The following TSGA10 variants were observed in gnomAD, a reference collection of about 807,000 sequenced individuals.
TSGA10 encodes the protein testis-specific gene 10 protein.
TSGA10 carries 43 observed loss-of-function variants against 96.6 expected under a neutral mutation model. The ratio of observed to expected loss-of-function variants is 0.44; its 90% CI spans 0.35 to 0.57. The LOEUF is 0.57. Ranked by LOEUF, TSGA10 falls within the 20% of genes least tolerant of loss-of-function variation. The pLI is 0.01. For missense variants in TSGA10, 703 were observed against 834.4 expected (o/e 0.84, Z 1.94); for synonymous variants, 229 against 269.9 (o/e 0.85, Z 1.48).
At chr2:99,059,208 C>A (rs2084371688) in intron 16 of TSGA10, among the ~76,000 whole-genome samples, 1 of 151,094 alleles carries the variant, frequency 6.6e-6, no homozygotes, top group South Asian at 2.1e-4. Context: ...CCATGACCTA[C>A]TATCCAGGAA....
chr2:99,005,874 G>A (rs1322504693), intron 20 of TSGA10, among the ~76,000 whole-genome samples: 5 of 152,078 alleles, frequency 3.3e-5, no homozygotes, highest in East Asian at 3.9e-4. Context: ...GAGGCATCAC[G>A]TTACCTGACT....
At chr2:99,018,153 G>A (rs774461598) in intron 20 of TSGA10, 47 bp downstream of exon 20, 2 of 1,607,170 alleles carry the variant, frequency 1.2e-6, no homozygotes, top group South Asian at 2.2e-5. Flanking sequence ...CACTATACTA[G>A]ATACTGCTAT....
chr2:99,071,849 A>G lies in TSGA10; in HGVS notation c.964T>C (p.Cys322Arg). 2 of 1,613,950 alleles carry G rather than the reference A, an allele frequency of 1.2e-6. No homozygotes were observed. Among genetic ancestry groups the G allele is most frequent in the African/African-American group, 1.3e-5 (1 of 75,054 alleles). The change falls in exon 14 of 21, where the codon TGT becomes CGT. Residue 322 changes from cysteine to arginine, a missense_variant. This residue lies in a region of TSGA10 where 585 missense variants were observed against 656.8 expected (regional missense o/e 0.89). Transcript: ENST00000393483. ...SRQCTEALIV[C>R]EQDVSRMRRQ... ...CGCATTCTGGAAACGTCTTGTTCAC[A>G]CACAATTAGGGCCTCAGTACACTGT...
Position 99,100,776 on chromosome 2 carries a change from T to C in TSGA10, c.611+3191A>G, listed in dbSNP as rs984914236. 6.8e-5 allele frequency among the ~76,000 whole-genome samples: 9 copies of C among 133,204 alleles called. No homozygotes were observed. In the South Asian group the frequency reaches 7.2e-4, roughly 11 times the overall value. 87.4% of individuals were successfully genotyped at this position (133,204 alleles called of 152,430 possible). A position where few individuals can be genotyped will look rare whatever the true frequency, so the allele number is the denominator to read the frequency against. The stretch of plus-strand genomic sequence containing the variant: ...CAGAGCTTGCAGTGAGCCGAGATTG[T>C]GCCACTGCACTCCAGCCTGGGCAAC... On this transcript the variant is annotated intron_variant, in intron 10 of 20. Transcript: ENST00000393483.
chr2:99,076,358 C>A (rs1285049755), intron 12 of TSGA10, among the ~76,000 whole-genome samples: 2 of 152,098 alleles, frequency 1.3e-5, no homozygotes, highest in African/African-American at 4.8e-5. Context: ...TATAATCCAT[C>A]TTTTATACGA....
chr2:99,127,931 CA>C (rs1232086645), intron 1 of TSGA10, among the ~76,000 whole-genome samples: 1 of 152,122 alleles, frequency 6.6e-6, no homozygotes, highest in African/African-American at 2.4e-5. Flanking sequence ...TGCAAAATAA[CA>C]AATGTTAGAG....
rs141880854 is a variant in TSGA10 at position 99,093,648 on chromosome 2, T to C, written c.611+10319A>G. Among the ~76,000 whole-genome samples the C allele has an allele frequency of 6.8e-4, 103 of 151,734 alleles. 1 individual carries two copies. The East Asian group carries it at 0.018, about 27-fold the overall frequency. On this transcript the variant is annotated intron_variant, in intron 10 of 20. Coordinates refer to ENST00000393483, the MANE Select transcript of TSGA10 (RefSeq NM_025244.4). ...CAAATCAAGAACTCAACACCTTTTTTAATAGCTGCAAAGAAAAAAAAAACA... is the reference window on the plus strand; with the variant it reads ...CAAATCAAGAACTCAACACCTTTTTCAATAGCTGCAAAGAAAAAAAAAACA...
intron 16 of TSGA10, among the ~76,000 whole-genome samples, chr2:99,038,503 C>T (rs2081876617): frequency 6.6e-6 from 1 of 152,080 alleles, no homozygotes; most frequent in African/African-American, 2.4e-5. Flanking sequence ...GCAGGAGTAG[C>T]TATTCTTATA....
intron 1 of TSGA10, among the ~76,000 whole-genome samples, chr2:99,143,127 C>G (rs1046340641): frequency 2.1e-5 from 3 of 142,168 alleles, no homozygotes; most frequent in Non-Finnish European, 4.6e-5. Context: ...CCTGCCCCAA[C>G]TAAACCTTTT....
intron 16 of TSGA10, among the ~76,000 whole-genome samples, chr2:99,057,113 T>G (rs2084091783): frequency 7.2e-6 from 1 of 139,650 alleles, no homozygotes. Flanking sequence ...ACAGCTAACA[T>G]CATACTTGAT....
At position 99,084,376 on chromosome 2, in the gene TSGA10, ATAAG is replaced by A. The variant is rs531802133; in HGVS notation, c.612-2983_612-2980del. The stretch of plus-strand genomic sequence containing the variant: ...ATGGTTTAACACTATCCCCTTGGTG[ATAAG>A]TGAGATCTCGCTAGTTAGTTCACAT... On this transcript the variant is annotated intron_variant, in intron 10 of 20. Transcript: ENST00000393483. Among the ~76,000 whole-genome samples, 285 of 152,290 alleles carry A rather than the reference ATAAG, an allele frequency of 1.9e-3. 4 individuals carry two copies. The highest frequency in any genetic ancestry group is 6.6e-3 in the African/African-American group (275 of 41,574).
At chr2:99,097,119 G>A (rs368560581) in intron 10 of TSGA10, among the ~76,000 whole-genome samples, 15 of 152,144 alleles carry the variant, frequency 9.9e-5, no homozygotes, top group African/African-American at 2.2e-4. Flanking sequence ...GGAAGGAAAC[G>A]CTCTGTATCT....
chr2:99,134,199 G>A (rs1016046333), intron 1 of TSGA10, among the ~76,000 whole-genome samples: 13 of 151,966 alleles, frequency 8.6e-5, no homozygotes, highest in Non-Finnish European at 1.3e-4. Context: ...TTCCATTCTC[G>A]TCACTTTCAG....
chr2:99,071,998 A>C, intron 13 of TSGA10, 124 bp from the exon 14 acceptor site: 1 of 787,292 alleles, frequency 1.3e-6, no homozygotes, highest in Non-Finnish European at 2.0e-6. Flanking sequence ...AACACGTTTG[A>C]ATTTATAGGA....
intron 20 of TSGA10, among the ~76,000 whole-genome samples, chr2:98,999,404 A>G (rs957880712): frequency 1.3e-5 from 2 of 152,180 alleles, no homozygotes; most frequent in African/African-American, 4.8e-5. Flanking sequence ...AAAACTAGAG[A>G]GGCAGGAAAC....
At chr2:99,012,199 T>A (rs1446183516) in intron 20 of TSGA10, among the ~76,000 whole-genome samples, 2 of 152,018 alleles carry the variant, frequency 1.3e-5, no homozygotes, top group Non-Finnish European at 2.9e-5. Context: ...AACCTCAAAA[T>A]ACATCAAAAT....
Position 99,109,509 on chromosome 2 carries a change from A to G in TSGA10, c.-70T>C. The G allele has an allele frequency of 1.9e-6, 3 of 1,583,508 alleles. No individual in the cohort carries two copies. In the South Asian group the frequency reaches 3.5e-5, roughly 19 times the overall value. ...CTTCCAAAGTCTTGACAAAGGAATC[A>G]AGTCTAGAAGGAGATTTATTTTGTG... On this transcript the variant is annotated 5_prime_UTR_variant, in exon 6 of 21. Coordinates refer to ENST00000393483, the MANE Select transcript of TSGA10 (RefSeq NM_025244.4).
chr2:99,059,641 G>A (rs886975674), intron 16 of TSGA10, among the ~76,000 whole-genome samples: 3 of 138,454 alleles, frequency 2.2e-5, no homozygotes, highest in African/African-American at 5.4e-5. Context: ...TCAGTCTTGG[G>A]GGAAACACAC....
In TSGA10 at chr2:99,081,401, C is replaced by T; in HGVS notation, c.612-4G>A. 6.6e-7 allele frequency: 1 copy of T among 1,507,750 alleles called. No homozygotes were observed. The allele number at this position is 1,507,750 out of a possible 1,614,324, so 93.4% of individuals were successfully genotyped here. Reference sequence around the variant, plus strand: ...TTCTGTGTTTTCATACAAAAGTCTGCAAATATTTTAATAATAAAACTAATT... The same window carrying T: ...TTCTGTGTTTTCATACAAAAGTCTGTAAATATTTTAATAATAAAACTAATT... On this transcript the variant is annotated splice_region_variant and splice_polypyrimidine_tract_variant and intron_variant, in intron 10 of 20. Coordinates refer to ENST00000393483, the MANE Select transcript of TSGA10 (RefSeq NM_025244.4).
Sources: allele counts gnomAD v4.1 joint callset (sites outside exome capture counted in the v4.1 genomes callset), GRCh38; gene constraint gnomAD v4.1.1; regional missense constraint gnomAD v4.1.1; transcripts MANE v1.5; gene names NCBI Gene and HGNC (gene_info 2026-07-23, HGNC 2026-07-21).